CRISPLD1: variants seen among roughly 807,000 people sequenced by gnomAD.
CRISPLD1 encodes the protein cysteine-rich secretory protein LCCL domain-containing 1.
Under a neutral mutation model 77.5 loss-of-function variants are expected in CRISPLD1, and 60 were observed. The ratio of observed to expected loss-of-function variants is 0.77; its 90% CI spans 0.63 to 0.96. The LOEUF (loss-of-function observed/expected upper bound fraction) is 0.96, where lower values mean the gene tolerates loss of function less well. CRISPLD1 is among the 40% of genes least tolerant of loss of function. The probability of loss-of-function intolerance (pLI) is 0.00; values close to 1 mark genes in which losing one functional copy is unlikely to be tolerated. For synonymous variants in CRISPLD1, 195 were observed against 200.1 expected, an observed-to-expected ratio of 0.97 and a Z score of 0.22; for missense variants, 623 against 615.8, an observed-to-expected ratio of 1.01 and a Z score of -0.12.
rs866624029 is a variant in CRISPLD1, at chr8:75,032,086, T to G, written c.1452-105T>G. 9.7e-6 allele frequency: 7 copies of G among 723,978 alleles called. No individual in the cohort carries two copies. The Middle Eastern group carries it at 2.7e-3, about 282-fold the overall frequency. The allele number at this position is 723,978 out of a possible 1,614,324, so 44.8% of individuals were successfully genotyped here. On this transcript the variant is annotated intron_variant, in intron 14 of 14. Coordinates refer to ENST00000262207, the MANE Select transcript of CRISPLD1 (RefSeq NM_031461.6). Reference sequence around the variant, plus strand: ...GCCTAAGAAAGTTGACCATCTGGATTCATAGAGCTGCTTTCTTGACTGTCA... The same window carrying G: ...GCCTAAGAAAGTTGACCATCTGGATGCATAGAGCTGCTTTCTTGACTGTCA...
intron 13 of CRISPLD1, among the ~76,000 whole-genome samples, chr8:75,029,056 G>A (rs1014379782): frequency 1.1e-4 from 16 of 152,164 alleles, no homozygotes; most frequent in South Asian, 1.0e-3. Context: ...ACAGGACCTA[G>A]AAGAGATAAA....
chr8:74,994,133 A>T (rs1355578310), intron 2 of CRISPLD1, among the ~76,000 whole-genome samples: 1 of 152,198 alleles, frequency 6.6e-6, no homozygotes. Flanking sequence ...AGGACTTTAG[A>T]TGGTGGGAGG....
rs147578751 is a variant in CRISPLD1, at chr8:75,016,656, A to T, written c.819A>T (p.Thr273=). The T allele has an allele frequency of 6.2e-7, 1 of 1,613,554 alleles. No individual in the cohort carries two copies. The highest frequency in any genetic ancestry group is 1.3e-5 in the African/African-American group (1 of 75,028). The change falls in exon 7 of 15, where the codon ACA becomes ACT. Residue 273 remains threonine (T), a synonymous_variant. Coordinates refer to ENST00000262207, the MANE Select transcript of CRISPLD1 (RefSeq NM_031461.6). ...QSQVHDTHVR[T]RSDDSSRNEV... ...AAGTCCATGACACCCATGTCCGGAC[A>T]AGATCAGATGATAGTAGCAGAAATG...
chr8:75,019,806 A>G lies in CRISPLD1; in HGVS notation c.1128-64A>G, dbSNP rs566036679. ...AGTGTTCATAGACTTGAAAGATACC[A>G]GAAATGATGCTGCTGCTGATGCCTA... On this transcript the variant is annotated intron_variant, in intron 10 of 14. Coordinates refer to ENST00000262207, the MANE Select transcript of CRISPLD1 (RefSeq NM_031461.6). 15 of 1,307,990 alleles carry G rather than the reference A, an allele frequency of 1.1e-5. 1 individual carries two copies. The South Asian group carries it at 1.4e-4, about 13-fold the overall frequency. 81.0% of individuals were successfully genotyped at this position (1,307,990 alleles called of 1,614,324 possible).
chr8:74,994,845 A>G (rs1812623073), intron 2 of CRISPLD1, among the ~76,000 whole-genome samples: 1 of 152,192 alleles, frequency 6.6e-6, no homozygotes, highest in Admixed American at 6.5e-5. Flanking sequence ...AGTTTGCGCC[A>G]TTAGAACTTG....
intron 12 of CRISPLD1, among the ~76,000 whole-genome samples, chr8:75,025,077 A>G (rs191152910): frequency 5.9e-5 from 9 of 152,358 alleles, no homozygotes; most frequent in African/African-American, 1.9e-4. Flanking sequence ...AGATCTCCCA[A>G]CTGGAAATGT....
Position 75,033,614 on chromosome 8 carries a change from T to A in CRISPLD1, c.*1372T>A, listed in dbSNP as rs1440702911. 2 of 151,892 alleles carry A rather than the reference T, an allele frequency of 1.3e-5. No homozygotes were observed. Among genetic ancestry groups the A allele is most frequent in the Non-Finnish European group, 2.9e-5 (2 of 67,862 alleles). 9.4% of individuals were successfully genotyped at this position (151,892 alleles called of 1,614,324 possible). A position where few individuals can be genotyped will look rare whatever the true frequency, so the allele number is the denominator to read the frequency against. ...AGGACAATAAATACTTCAAATACTT[T>A]TAGGAAGTAAATGAGTAGGAGTTTA... On this transcript the variant is annotated 3_prime_UTR_variant, in exon 15 of 15. Coordinates refer to ENST00000262207, the MANE Select transcript of CRISPLD1 (RefSeq NM_031461.6).
intron 9 of CRISPLD1, 56 bp from the exon 10 acceptor site, chr8:75,017,264 A>G: frequency 1.3e-6 from 2 of 1,588,702 alleles, no homozygotes; most frequent in Non-Finnish European, 1.7e-6. Context: ...AATAGTTGGG[A>G]CTTATGCAGA....
intron 5 of CRISPLD1, among the ~76,000 whole-genome samples, chr8:75,014,451 G>A (rs1812991681): frequency 1.3e-5 from 2 of 151,996 alleles, no homozygotes; most frequent in Admixed American, 1.3e-4. Flanking sequence ...GACCATTTAA[G>A]GGATTATGTT....
chr8:75,000,178 G>T, intron 2 of CRISPLD1: 1 of 985,196 alleles, frequency 1.0e-6, no homozygotes, highest in South Asian at 4.7e-5. Context: ...TCCAGTAAAG[G>T]TGCTGCTGGT....
At chr8:75,029,314 A>G (rs1366160347) in intron 13 of CRISPLD1, 73 bp from the exon 14 acceptor site, 2 of 1,444,748 alleles carry the variant, frequency 1.4e-6, no homozygotes, top group Non-Finnish European at 9.4e-7. Context: ...CAGTCTATTA[A>G]TAATAGAAGA....
At chr8:75,012,793 T>C (rs1812955683) in intron 3 of CRISPLD1, 97 bp from the exon 4 acceptor site, 1 of 1,366,094 alleles carries the variant, frequency 7.3e-7, no homozygotes, top group South Asian at 1.4e-5. Context: ...TACGCCAAAG[T>C]GTCTTTCTAC....
rs1035844143 is a variant in CRISPLD1 at position 74,984,777 on chromosome 8, C to A, written c.-206C>A. The A allele has an allele frequency of 6.6e-6, 1 of 152,258 alleles. No homozygotes were observed. Among genetic ancestry groups the A allele is most frequent in the Admixed American group, 6.5e-5 (1 of 15,290 alleles). The allele number at this position is 152,258 out of a possible 1,614,324, so 9.4% of individuals were successfully genotyped here. A position where few individuals can be genotyped will look rare whatever the true frequency, so the allele number is the denominator to read the frequency against. Reference sequence around the variant, plus strand: ...GGCTCGCGTATTCCTGCAGTCAGCACCCACGTCGCCCCCGGACGCTCGGTG... The same window carrying A: ...GGCTCGCGTATTCCTGCAGTCAGCAACCACGTCGCCCCCGGACGCTCGGTG... On this transcript the variant is annotated 5_prime_UTR_variant, in exon 1 of 15. Transcript: ENST00000262207.
At position 75,034,439 on chromosome 8, in the gene CRISPLD1, CTATT is replaced by C. The variant is rs1255606136; in HGVS notation, c.*2198_*2201del. 3 of 151,994 alleles carry C rather than the reference CTATT, an allele frequency of 2.0e-5. No individual in the cohort carries two copies. The highest frequency in any genetic ancestry group is 6.6e-5 in the Admixed American group (1 of 15,252). 9.4% of individuals were successfully genotyped at this position (151,994 alleles called of 1,614,324 possible). ...ATTTTTGTTATCTAATTTGGGGAAACTATTCATCTGTCATATACTATTGATCCTT... is the reference window on the plus strand; with the variant it reads ...ATTTTTGTTATCTAATTTGGGGAAACCATCTGTCATATACTATTGATCCTT... On this transcript the variant is annotated 3_prime_UTR_variant, in exon 15 of 15. Transcript: ENST00000262207.
rs577490481 is a variant in CRISPLD1 at position 75,031,383 on chromosome 8, T to C, written c.1452-808T>C. On this transcript the variant is annotated intron_variant, in intron 14 of 14. Coordinates refer to ENST00000262207, the MANE Select transcript of CRISPLD1 (RefSeq NM_031461.6). The stretch of plus-strand genomic sequence containing the variant: ...ATGTAAAAGCTTCAAAAGCTTACAG[T>C]TGATTTGAATAAATAATGATTAATG... 1.5e-3 allele frequency among the ~76,000 whole-genome samples: 231 copies of C among 152,234 alleles called. 1 individual carries two copies. Among genetic ancestry groups the C allele is most frequent in the African/African-American group, 5.4e-3 (226 of 41,568 alleles).
intron 2 of CRISPLD1, among the ~76,000 whole-genome samples, chr8:74,987,440 T>C (rs1001549977): frequency 6.6e-6 from 1 of 152,192 alleles, no homozygotes; most frequent in Non-Finnish European, 1.5e-5. Flanking sequence ...CAAAGGATTA[T>C]TGTGAAGATA....
intron 12 of CRISPLD1, among the ~76,000 whole-genome samples, chr8:75,020,504 G>A (rs1813115193): frequency 6.6e-6 from 1 of 152,160 alleles, no homozygotes; most frequent in South Asian, 2.1e-4. Context: ...CCTTCTCTGT[G>A]TCCTCACATG....
intron 14 of CRISPLD1, among the ~76,000 whole-genome samples, chr8:75,031,213 A>G (rs1395014810): frequency 1.3e-5 from 2 of 152,016 alleles, no homozygotes; most frequent in Non-Finnish European, 2.9e-5. Context: ...CGCACTTGTG[A>G]TACCCTTATT....
intron 12 of CRISPLD1, among the ~76,000 whole-genome samples, chr8:75,021,916 T>C (rs1813142597): frequency 6.6e-6 from 1 of 152,100 alleles, no homozygotes; most frequent in Non-Finnish European, 1.5e-5. Flanking sequence ...TGTGACTAGG[T>C]TTATGAGGAC....
Sources: gnomAD v4.1 joint callset for allele counts (sites outside exome capture counted in the v4.1 genomes callset) on GRCh38, gnomAD v4.1.1 for gene constraint, MANE v1.5 for transcripts, NCBI Gene and HGNC (gene_info 2026-07-23, HGNC 2026-07-21) for gene names.